NFAM1: variants seen among roughly 807,000 people sequenced by gnomAD.
NFAM1 encodes the protein NFAT activation molecule 1.
In NFAM1, 17 loss-of-function variants were observed where a neutral mutation model predicts 29.0. The ratio of observed to expected loss-of-function variants is 0.59; its 90% confidence interval spans 0.40 to 0.88. The LOEUF is 0.88. Ranked by LOEUF, NFAM1 falls within the 40% of genes least tolerant of loss-of-function variation. The pLI, the probability that NFAM1 is intolerant of heterozygous loss-of-function variation, is 0.00. For missense variants in NFAM1, 324 were observed against 344.6 expected, an observed-to-expected ratio of 0.94 and a Z score of 0.47; for synonymous variants, 175 against 147.2, an observed-to-expected ratio of 1.19 and a Z score of -1.36.
At chr22:42,391,123 G>A (rs1929325295) in intron 4 of NFAM1, among the ~76,000 whole-genome samples, 2 of 152,220 alleles carry the variant, frequency 1.3e-5, no homozygotes, top group Admixed American at 1.3e-4. Flanking sequence ...TGACGGTTTA[G>A]GGGCTTCCTT....
chr22:42,401,702 G>T (rs190101287), intron 3 of NFAM1, among the ~76,000 whole-genome samples: 83 of 152,242 alleles, frequency 5.5e-4, no homozygotes, highest in Admixed American at 5.4e-3. Context: ...CACGAGTGTG[G>T]CTTCTCCCAA....
At chr22:42,418,956 T>A (rs1280219367) in intron 1 of NFAM1, among the ~76,000 whole-genome samples, 1 of 152,162 alleles carries the variant, frequency 6.6e-6, no homozygotes, top group Non-Finnish European at 1.5e-5. Flanking sequence ...CCCACCCTTG[T>A]TGGGAAAGAG....
rs869262500 is a variant in NFAM1, at chr22:42,419,990, G to GTTTTTTTTTTT, written c.122-8265_122-8255dup. ...CTTTGAGTCTGTAATCCCACTCTTGGTTTTTTTTTTTTTTTTTTTTTTTTT... is the reference window on the plus strand; with the variant it reads ...CTTTGAGTCTGTAATCCCACTCTTGGTTTTTTTTTTTTTTTTTTTTTTTTTTTTTTTTTTTT... On this transcript the variant is annotated intron_variant, in intron 1 of 5. Transcript: ENST00000329021. This position sits in a 1 kb window ranked among gnomAD's most constrained non-coding sequence, Gnocchi z 4.5. Among the ~76,000 whole-genome samples, 6 of 30,522 alleles carry GTTTTTTTTTTT rather than the reference G, an allele frequency of 2.0e-4. 3 individuals are homozygous for GTTTTTTTTTTT. Among genetic ancestry groups the GTTTTTTTTTTT allele is most frequent in the African/African-American group, 3.3e-4 (2 of 5,982 alleles). 20.0% of individuals were successfully genotyped at this position (30,522 alleles called of 152,430 possible). A position where few individuals can be genotyped will look rare whatever the true frequency, so the allele number is the denominator to read the frequency against.
intron 3 of NFAM1, among the ~76,000 whole-genome samples, chr22:42,403,708 G>A (rs73886074): frequency 0.017 from 2,591 of 152,356 alleles, 70 homozygotes; most frequent in African/African-American, 0.06. Flanking sequence ...TATGTCAGGG[G>A]ACCTGTGCTA....
upstream of NFAM1, among the ~76,000 whole-genome samples, chr22:42,432,678 A>G (rs1429388618): frequency 1.3e-5 from 2 of 152,188 alleles, no homozygotes; most frequent in East Asian, 1.9e-4. Flanking sequence ...GTGCAGAGGG[A>G]TCATGGGATT....
At chr22:42,403,941 G>C (rs1929809299) in intron 3 of NFAM1, among the ~76,000 whole-genome samples, 3 of 152,206 alleles carry the variant, frequency 2.0e-5, no homozygotes, top group Admixed American at 2.0e-4. Flanking sequence ...AGGGATCCCA[G>C]GTGCCGAAAT....
intron 1 of NFAM1, among the ~76,000 whole-genome samples, chr22:42,427,393 C>T (rs1390066803): frequency 6.6e-6 from 1 of 152,180 alleles, no homozygotes; most frequent in South Asian, 2.1e-4. Context: ...CATCTCCTCC[C>T]CCAGGCGCCC....
Position 42,388,063 on chromosome 22 carries a change from T to G in NFAM1, c.664-985A>C, listed in dbSNP as rs993054684. ...AAAGGGAGCAGCACCAAATGAGCTA[T>G]GGTAAGGGGGCTTCCCCGTCACTCG... On this transcript the variant is annotated intron_variant, in intron 4 of 5. Coordinates refer to ENST00000329021, the MANE Select transcript of NFAM1 (RefSeq NM_145912.8). The surrounding 1 kb of genome is among the most constrained non-coding windows in gnomAD (Gnocchi z 4.1). Among the ~76,000 whole-genome samples the G allele has an allele frequency of 3.3e-5, 5 of 152,236 alleles. No individual in the cohort carries two copies. Among genetic ancestry groups the G allele is most frequent in the African/African-American group, 1.2e-4 (5 of 41,460 alleles).
At chr22:42,432,472 C>CG, upstream of NFAM1, 4 of 1,407,820 alleles carry the variant, frequency 2.8e-6, no homozygotes, top group Non-Finnish European at 3.7e-6. Context: ...CCTGACCTTC[C>CG]GCTCAGAAGC....
intron 1 of NFAM1, among the ~76,000 whole-genome samples, chr22:42,428,394 CAGG>C (rs1279332547): frequency 6.6e-6 from 1 of 152,190 alleles, no homozygotes; most frequent in African/African-American, 2.4e-5. Context: ...GGAAGGGAGG[CAGG>C]AGGTCTCAGC....
intron 4 of NFAM1, 129 bp downstream of exon 4, chr22:42,397,729 A>G: frequency 1.5e-6 from 1 of 653,558 alleles, no homozygotes. Context: ...CCCATTTTAT[A>G]GATGAGGAAC....
At chr22:42,395,881 CAAAAAAA>C (rs60278301) in intron 4 of NFAM1, among the ~76,000 whole-genome samples, 1 of 93,802 alleles carries the variant, frequency 1.1e-5, no homozygotes, top group East Asian at 3.3e-4. Flanking sequence ...AGACTCTGCT[CAAAAAAA>C]AAAAAAAAAG....
chr22:42,412,646 C>T (rs1930134081), intron 1 of NFAM1, among the ~76,000 whole-genome samples: 2 of 152,188 alleles, frequency 1.3e-5, no homozygotes, highest in South Asian at 2.1e-4. Context: ...GAAACCCAAG[C>T]GTTTCCTGGC....
intron 1 of NFAM1, among the ~76,000 whole-genome samples, chr22:42,426,554 G>A (rs983209219): frequency 3.9e-5 from 6 of 152,206 alleles, no homozygotes; most frequent in South Asian, 2.1e-4. Flanking sequence ...TGCTGGACTC[G>A]GCCTCAGAGA....
chr22:42,409,341 A>G lies in NFAM1; in HGVS notation c.564+94T>C. On this transcript the variant is annotated intron_variant, in intron 3 of 5. Transcript: ENST00000329021. The surrounding 1 kb of genome is among the most constrained non-coding windows in gnomAD (Gnocchi z 4.9). The stretch of plus-strand genomic sequence containing the variant: ...CTGTTACAGATGTGGATGTGCCCTC[A>G]CCAGGGCCCACCAAACGCCCTGCAG... 1 of 611,008 alleles carries G rather than the reference A, an allele frequency of 1.6e-6. No homozygotes were observed. Among genetic ancestry groups the G allele is most frequent in the Non-Finnish European group, 2.8e-6 (1 of 359,112 alleles). 37.8% of individuals were successfully genotyped at this position (611,008 alleles called of 1,614,324 possible).
At chr22:42,392,751 G>A (rs1929386548) in intron 4 of NFAM1, among the ~76,000 whole-genome samples, 2 of 152,036 alleles carry the variant, frequency 1.3e-5, no homozygotes, top group African/African-American at 4.8e-5. Context: ...GACCCACCCC[G>A]AATTCATGCT....
chr22:42,387,026 C>G lies in NFAM1; in HGVS notation c.716G>C (p.Gly239Ala). ...EVYACIENED[G>A]SSPTAKQSPL... is the part of the protein sequence containing the mutation. ...GCTCTGCTTGGCGGTGGGTGAGCTG[C>G]CATCCTCATTCTCGATGCAGGCATA... Residue 239 changes from glycine (G) to alanine (A), a missense_variant, in exon 5 of 6, where the codon GGC becomes GCC. Coordinates refer to ENST00000329021, the MANE Select transcript of NFAM1 (RefSeq NM_145912.8). 4 of 1,584,734 alleles carry G rather than the reference C, an allele frequency of 2.5e-6. No individual in the cohort carries two copies. The highest frequency in any genetic ancestry group is 3.4e-6 in the Non-Finnish European group (4 of 1,166,128).
chr22:42,413,193 C>T (rs938081901), intron 1 of NFAM1, among the ~76,000 whole-genome samples: 5 of 152,156 alleles, frequency 3.3e-5, no homozygotes, highest in Non-Finnish European at 7.3e-5. Flanking sequence ...GATTGTTAAT[C>T]GGGAGAAGAT....
chr22:42,385,889 G>A (rs1299369800), intron 5 of NFAM1, among the ~76,000 whole-genome samples: 4 of 152,150 alleles, frequency 2.6e-5, no homozygotes, highest in African/African-American at 4.8e-5. Context: ...AGTGCCAGGC[G>A]CCCGCACTCC....
Sources: gnomAD v4.1 joint callset for allele counts (sites outside exome capture counted in the v4.1 genomes callset) on GRCh38, gnomAD v4.1.1 for gene constraint, Gnocchi (gnomAD v3.1) non-coding constraint, MANE v1.5 for transcripts, NCBI Gene and HGNC (gene_info 2026-07-23, HGNC 2026-07-21) for gene names.